MIA2: variants seen among roughly 807,000 people sequenced by gnomAD.
The protein encoded by MIA2 is melanoma inhibitory activity protein 2.
MIA2 carries 127 observed loss-of-function variants against 167.8 expected under a neutral mutation model. The ratio of observed to expected loss-of-function variants is 0.76; its 90% confidence interval spans 0.66 to 0.88. The LOEUF is 0.88. MIA2 is among the 40% of genes least tolerant of loss of function. The probability of loss-of-function intolerance (pLI) is 0.00; values close to 1 mark genes in which losing one functional copy is unlikely to be tolerated. For synonymous variants in MIA2, 552 were observed against 541.9 expected, an observed-to-expected ratio of 1.02 and a Z score of -0.26; for missense variants, 1,690 against 1,624.7, an observed-to-expected ratio of 1.04 and a Z score of -0.69.
intron 21 of MIA2, among the ~76,000 whole-genome samples, chr14:39,317,168 C>T (rs1250329944): frequency 6.6e-6 from 1 of 152,088 alleles, no homozygotes; most frequent in Non-Finnish European, 1.5e-5. Flanking sequence ...CCCAAGGAAC[C>T]ACAGGCTAAA....
intron 18 of MIA2, among the ~76,000 whole-genome samples, chr14:39,312,407 C>T (rs977294243): frequency 1.3e-4 from 20 of 152,182 alleles, no homozygotes; most frequent in African/African-American, 4.3e-4. Flanking sequence ...GCTTTCTAAG[C>T]AATAGGTAAT....
rs186665174 is a variant in MIA2 at position 39,374,508 on chromosome 14, A to G, written c.2249-12377A>G. 1.5e-3 allele frequency among the ~76,000 whole-genome samples: 225 copies of G among 152,376 alleles called. 1 individual carries two copies. Among genetic ancestry groups the G allele is most frequent in the Middle Eastern group, 3.4e-3 (1 of 294 alleles). Reference sequence around the variant, plus strand: ...GGCTATCTTTTTTTGGAAAAAGGAAATGTGATCTTTCAAAAGGCAAAACAT... The same window carrying G: ...GGCTATCTTTTTTTGGAAAAAGGAAGTGTGATCTTTCAAAAGGCAAAACAT... On this transcript the variant is annotated intron_variant, in intron 23 of 23. Transcript: ENST00000341502.
intron 25 of MIA2, among the ~76,000 whole-genome samples, chr14:39,337,426 A>G (rs1406355585): frequency 6.6e-6 from 1 of 152,212 alleles, no homozygotes; most frequent in Non-Finnish European, 1.5e-5. Flanking sequence ...AGTGCCCTCA[A>G]CCAACAAGAC....
intron 9 of MIA2, among the ~76,000 whole-genome samples, chr14:39,285,754 C>T (rs1302251619): frequency 6.6e-6 from 1 of 151,504 alleles, no homozygotes; most frequent in African/African-American, 2.4e-5. Flanking sequence ...AGGGGCTCCT[C>T]ACTTCTCAGA....
chr14:39,345,967 G>C lies in MIA2; in HGVS notation c.3719G>C (p.Gly1240Ala). 1 of 1,611,390 alleles carries C rather than the reference G, an allele frequency of 6.2e-7. No homozygotes were observed. The highest frequency in any genetic ancestry group is 8.5e-7 in the Non-Finnish European group (1 of 1,177,970). Residue 1240 changes from glycine to alanine, a missense_variant, in exon 26 of 29, where the codon GGT becomes GCT. Gly to Ala is a moderately conservative substitution (Grantham distance 60, BLOSUM62 0). Coordinates refer to ENST00000640607, the MANE Select transcript of MIA2 (RefSeq NM_001329214.4). ...QRQDRFCSNS[G>A]RLSGPAELRS... ...CAAGACAGATTTTGTTCTAATTCTG[G>C]TAGACTGTCTGGACCAGCAGAACTC...
chr14:39,289,445 C>G (rs1450020064), intron 9 of MIA2, among the ~76,000 whole-genome samples: 2 of 152,116 alleles, frequency 1.3e-5, no homozygotes, highest in African/African-American at 4.8e-5. Flanking sequence ...GAACTCCTGA[C>G]CTCATGATCC....
At chr14:39,300,692 A>G (rs2062253936) in intron 14 of MIA2, among the ~76,000 whole-genome samples, 1 of 149,154 alleles carries the variant, frequency 6.7e-6, no homozygotes, top group East Asian at 2.0e-4. Context: ...GGGGAGGGAT[A>G]GCATTAGGAG....
intron 6 of MIA2, among the ~76,000 whole-genome samples, chr14:39,275,068 C>T (rs1177828966): frequency 8.1e-6 from 1 of 123,964 alleles, no homozygotes; most frequent in East Asian, 2.6e-4. Flanking sequence ...GAGTGAGACT[C>T]CGTCTCAAAA....
chr14:39,373,445 T>C (rs2074988508), intron 23 of MIA2, among the ~76,000 whole-genome samples: 2 of 150,418 alleles, frequency 1.3e-5, no homozygotes, highest in Admixed American at 6.6e-5. Flanking sequence ...ATTTGAAAGA[T>C]AAAAGAATAA....
chr14:39,326,712 G>A, intron 24 of MIA2, 152 bp from the exon 25 acceptor site: 2 of 410,954 alleles, frequency 4.9e-6, no homozygotes, highest in Non-Finnish European at 8.3e-6. Flanking sequence ...GTTACATCAG[G>A]CATAGGAATC....
At chr14:39,270,200 G>GTT (rs35675093) in intron 6 of MIA2, among the ~76,000 whole-genome samples, 11 of 88,042 alleles carry the variant, frequency 1.2e-4, no homozygotes, top group African/African-American at 1.8e-4. Flanking sequence ...CTCTGTTGTG[G>GTT]TTTTTTTTTT....
chr14:39,281,920 C>G (rs960462272), intron 9 of MIA2, among the ~76,000 whole-genome samples: 2 of 152,006 alleles, frequency 1.3e-5, no homozygotes, highest in Admixed American at 6.6e-5. Flanking sequence ...CATGCCTGGC[C>G]TATGCTCTCT....
intron 28 of MIA2, 131 bp from the exon 29 acceptor site, chr14:39,349,967 A>C (rs971427824): frequency 8.9e-6 from 4 of 450,140 alleles, no homozygotes; most frequent in African/African-American, 2.0e-5. Context: ...AATTTGTTAG[A>C]TCAAGTAATT....
At chr14:39,237,167 C>CTGGA (rs1388369985) in intron 2 of MIA2, 112 bp downstream of exon 2, 1 of 1,214,244 alleles carries the variant, frequency 8.2e-7, no homozygotes, top group African/African-American at 1.5e-5. Flanking sequence ...GTCGCCCAGG[C>CTGGA]TGGAATGCAG....
intron 6 of MIA2, among the ~76,000 whole-genome samples, chr14:39,272,477 A>T (rs1173398194): frequency 6.6e-6 from 1 of 152,258 alleles, no homozygotes; most frequent in African/African-American, 2.4e-5. Flanking sequence ...CCAAGGATTT[A>T]ACTTGTGGCT....
intron 6 of MIA2, chr14:39,266,367 A>G (rs1168557712): frequency 1.1e-4 from 109 of 985,232 alleles, no homozygotes; most frequent in Non-Finnish European, 1.3e-4. Context: ...ATAGAGTCCT[A>G]AATTTAGAAG....
intron 20 of MIA2, chr14:39,315,057 T>C (rs1595507615): frequency 1.0e-5 from 3 of 293,900 alleles, no homozygotes; most frequent in Admixed American, 5.6e-5. Flanking sequence ...CCGAAGTGGG[T>C]GGATCACTTG....
intron 23 of MIA2, among the ~76,000 whole-genome samples, chr14:39,361,007 G>T (rs968735099): frequency 6.6e-6 from 1 of 152,164 alleles, no homozygotes; most frequent in South Asian, 2.1e-4. Context: ...TTATTGGTCT[G>T]TGTGTCTATT....
At chr14:39,271,948 G>T (rs1362752269) in intron 6 of MIA2, among the ~76,000 whole-genome samples, 1 of 152,180 alleles carries the variant, frequency 6.6e-6, no homozygotes, top group Non-Finnish European at 1.5e-5. Context: ...GTGTGGCTGG[G>T]TCTGCGGCCT....
Sources: gnomAD v4.1 joint callset for allele counts (sites outside exome capture counted in the v4.1 genomes callset) on GRCh38, gnomAD v4.1.1 for gene constraint, MANE v1.5 for transcripts, NCBI Gene and HGNC (gene_info 2026-07-23, HGNC 2026-07-21) for gene names.